SH3BGRL: variants seen among roughly 807,000 people sequenced by gnomAD.
The protein encoded by SH3BGRL is SH3 domain binding glutamate rich protein like.
Under a neutral mutation model 9.8 loss-of-function variants are expected in SH3BGRL, and 7 were observed. That is an observed-to-expected ratio of 0.72 (90% confidence interval 0.41 to 1.35). The LOEUF (loss-of-function observed/expected upper bound fraction) is 1.35. Ranked by LOEUF, SH3BGRL falls within the 40% of genes most tolerant of loss-of-function variation. SH3BGRL has a pLI of 0.01. For missense variants in SH3BGRL, 73 were observed against 84.4 expected, an observed-to-expected ratio of 0.86 and a Z score of 0.53; for synonymous variants, 36 against 29.1, an observed-to-expected ratio of 1.24 and a Z score of -0.76.
At chrX:81,226,466 T>A in intron 1 of SH3BGRL, among the ~76,000 whole-genome samples, 1 of 104,834 alleles carries the variant, frequency 9.5e-6, no homozygotes, top group East Asian at 2.9e-4. Context: ...TAAGTGTAAG[T>A]CTTCAGTGTA....
intron 1 of SH3BGRL, among the ~76,000 whole-genome samples, chrX:81,237,665 C>G (rs1301763839): frequency 1.8e-5 from 2 of 110,341 alleles, no homozygotes; most frequent in Non-Finnish European, 3.8e-5. Context: ...GGCTAGGCTA[C>G]AAGGGCTGCA....
intron 1 of SH3BGRL, among the ~76,000 whole-genome samples, chrX:81,242,688 A>G (rs1441123374): frequency 1.8e-5 from 2 of 111,891 alleles, no homozygotes; most frequent in African/African-American, 6.5e-5. Context: ...AGGTATTAAT[A>G]ACCAGAATAC....
At chrX:81,295,833 A>AT (rs2075872533) in intron 3 of SH3BGRL, among the ~76,000 whole-genome samples, 1 of 111,244 alleles carries the variant, frequency 9.0e-6, no homozygotes. Context: ...TAACAATTTA[A>AT]CAAGTCTCTA....
chrX:81,228,384 T>C (rs181285178), intron 1 of SH3BGRL, among the ~76,000 whole-genome samples: 141 of 111,927 alleles, frequency 1.3e-3, no homozygotes, highest in African/African-American at 4.5e-3. Flanking sequence ...TGATTGGCAA[T>C]TGATTGAAAG....
chrX:81,227,879 G>A (rs1486905113), intron 1 of SH3BGRL, among the ~76,000 whole-genome samples: 4 of 111,536 alleles, frequency 3.6e-5, no homozygotes, highest in Non-Finnish European at 7.5e-5. Context: ...TTGGATTTCT[G>A]CACTGTCTGG....
At position 81,202,121 on chromosome X, in the gene SH3BGRL, C is replaced by T. The variant is rs1477595477; in HGVS notation, c.-80C>T. ...TTCTCTGCCAACCGCTGTTTCAGCC[C>T]CTAGCTGGATTCCAGCCATTGCTGC... On this transcript the variant is annotated 5_prime_UTR_variant, in exon 1 of 4. Transcript: ENST00000373212. 6.9e-6 allele frequency: 7 copies of T among 1,015,211 alleles called. No homozygotes were observed. In the East Asian group the frequency reaches 2.2e-4, roughly 32 times the overall value. 83.7% of individuals were successfully genotyped at this position (1,015,211 alleles called of 1,213,427 possible).
At chrX:81,234,072 C>T (rs183843548) in intron 1 of SH3BGRL, among the ~76,000 whole-genome samples, 76 of 111,217 alleles carry the variant, frequency 6.8e-4, no homozygotes, top group African/African-American at 2.4e-3. Context: ...TAATATTTAC[C>T]TCTACTCTCT....
intron 3 of SH3BGRL, among the ~76,000 whole-genome samples, chrX:81,296,717 A>G (rs2075876363): frequency 8.9e-6 from 1 of 112,064 alleles, no homozygotes; most frequent in Admixed American, 9.5e-5. Flanking sequence ...GTACCTCACT[A>G]TCCAGAGGAG....
intron 1 of SH3BGRL, among the ~76,000 whole-genome samples, chrX:81,268,213 A>G (rs1174435440): frequency 1.9e-5 from 2 of 104,587 alleles, no homozygotes; most frequent in Admixed American, 1.0e-4. Flanking sequence ...TTGTGTCTCT[A>G]TCTCCTTCAG....
chrX:81,208,844 A>G (rs2075555136), intron 1 of SH3BGRL, among the ~76,000 whole-genome samples: 1 of 111,304 alleles, frequency 9.0e-6, no homozygotes, highest in African/African-American at 3.3e-5. Context: ...TGTTGGTTTT[A>G]TTAGGTTTGC....
chrX:81,296,469 C>T (rs978696406), intron 3 of SH3BGRL, among the ~76,000 whole-genome samples: 6 of 111,418 alleles, frequency 5.4e-5, no homozygotes, highest in African/African-American at 1.6e-4. Flanking sequence ...TAGCTTTTCT[C>T]CCTTCTTTTG....
intron 3 of SH3BGRL, among the ~76,000 whole-genome samples, chrX:81,296,323 G>A (rs1382048154): frequency 8.9e-6 from 1 of 111,798 alleles, no homozygotes; most frequent in Non-Finnish European, 1.9e-5. Flanking sequence ...GGGACACAGA[G>A]CCAAACCATA....
intron 1 of SH3BGRL, among the ~76,000 whole-genome samples, chrX:81,252,081 C>A (rs1379115724): frequency 8.9e-6 from 1 of 111,754 alleles, no homozygotes; most frequent in East Asian, 2.8e-4. Context: ...TTGCAGTATT[C>A]TATGATGAAG....
intron 1 of SH3BGRL, among the ~76,000 whole-genome samples, chrX:81,260,252 A>C (rs2147700173): frequency 9.0e-6 from 1 of 111,381 alleles, no homozygotes; most frequent in Non-Finnish European, 1.9e-5. Context: ...TCGTAGGCTT[A>C]GTGTTTAAAT....
intron 1 of SH3BGRL, among the ~76,000 whole-genome samples, chrX:81,220,236 A>T (rs2147672102): frequency 9.0e-6 from 1 of 111,389 alleles, no homozygotes; most frequent in African/African-American, 3.2e-5. Context: ...TTGAGCAGTG[A>T]AGCCCATCAG....
chrX:81,263,082 A>G (rs943564628), intron 1 of SH3BGRL, among the ~76,000 whole-genome samples: 3 of 111,662 alleles, frequency 2.7e-5, no homozygotes, highest in African/African-American at 6.5e-5. Context: ...GGCCACAGAG[A>G]ACTTCACAGA....
intron 3 of SH3BGRL, among the ~76,000 whole-genome samples, chrX:81,286,681 G>A (rs1205197227): frequency 1.8e-5 from 2 of 110,181 alleles, no homozygotes; most frequent in Non-Finnish European, 3.8e-5. Context: ...ATTTATCAAA[G>A]GGTATATAAT....
intron 1 of SH3BGRL, among the ~76,000 whole-genome samples, chrX:81,219,258 A>G (rs1406389688): frequency 1.8e-5 from 2 of 110,301 alleles, no homozygotes; most frequent in Non-Finnish European, 3.8e-5. Flanking sequence ...ATATATGTAG[A>G]TTTATATATG....
At chrX:81,215,000 G>T (rs139278586) in intron 1 of SH3BGRL, among the ~76,000 whole-genome samples, 1,366 of 111,197 alleles carry the variant, frequency 0.012, 7 homozygotes, top group Middle Eastern at 0.028. Flanking sequence ...AAGAGTATAC[G>T]GTTAGAAAAT....
Sources: gnomAD v4.1 joint callset for allele counts (sites outside exome capture counted in the v4.1 genomes callset) on GRCh38, gnomAD v4.1.1 for gene constraint, MANE v1.5 for transcripts, NCBI Gene and HGNC (gene_info 2026-07-23, HGNC 2026-07-21) for gene names.